The following DLGAP1 variants were observed in gnomAD, a reference collection of about 807,000 sequenced individuals.
The protein encoded by DLGAP1 is disks large-associated protein 1.
DLGAP1 carries 11 observed loss-of-function variants against 90.8 expected under a neutral mutation model. The observed-to-expected ratio is 0.12, with a 90% confidence interval of 0.08 to 0.20. The LOEUF (loss-of-function observed/expected upper bound fraction) is 0.20. Ranked by LOEUF, DLGAP1 falls within the 10% of genes least tolerant of loss-of-function variation. The pLI, the probability that DLGAP1 is intolerant of heterozygous loss-of-function variation, is 1.00. For synonymous variants in DLGAP1, 558 were observed against 540.7 expected (o/e 1.03, Z -0.44); for missense variants, 1,050 against 1,333.8 (o/e 0.79, Z 3.31).
chr18:4,340,435 G>A (rs147932315), intron 1 of DLGAP1, among the ~76,000 whole-genome samples: 20 of 152,166 alleles, frequency 1.3e-4, no homozygotes, highest in East Asian at 5.8e-4. Flanking sequence ...TTCAGACTGC[G>A]GTTTACCATG....
intron 4 of DLGAP1, among the ~76,000 whole-genome samples, chr18:3,856,636 C>A (rs957950510): frequency 1.3e-5 from 2 of 152,090 alleles, no homozygotes; most frequent in African/African-American, 2.4e-5. Context: ...CCGAAGCGGG[C>A]AGATCACGAG....
At chr18:3,797,934 G>A (rs2066084393) in intron 5 of DLGAP1, among the ~76,000 whole-genome samples, 1 of 152,152 alleles carries the variant, frequency 6.6e-6, no homozygotes, top group Admixed American at 6.5e-5. Context: ...TTGTCATTGT[G>A]AATAAGTCTC....
chr18:3,922,942 A>G (rs2072297448), intron 3 of DLGAP1, among the ~76,000 whole-genome samples: 1 of 152,002 alleles, frequency 6.6e-6, no homozygotes, highest in African/African-American at 2.4e-5. Context: ...AGACCAGCCC[A>G]GCCAACATGG....
intron 6 of DLGAP1, among the ~76,000 whole-genome samples, chr18:3,739,799 T>C (rs569510126): frequency 1.3e-5 from 2 of 152,054 alleles, no homozygotes; most frequent in African/African-American, 2.4e-5. Context: ...AAAAAGATAC[T>C]GTGTTACTTG....
chr18:4,041,789 T>C (rs1485611053), intron 2 of DLGAP1, among the ~76,000 whole-genome samples: 3 of 152,218 alleles, frequency 2.0e-5, no homozygotes, highest in Non-Finnish European at 2.9e-5. Flanking sequence ...GACCAATTGC[T>C]CTTCATCTCT....
rs76136144 is a variant in DLGAP1, at chr18:4,249,776, C to T, written c.-266-98489G>A. On this transcript the variant is annotated intron_variant, in intron 1 of 12. Transcript: ENST00000315677. ...CTAATTATTTTGCTTTCTGTAGAGA[C>T]GGGGGTCTCACTATGCTCCCCAGGC... is the stretch of plus-strand genomic sequence containing the variant. 7.5e-3 allele frequency among the ~76,000 whole-genome samples: 1,140 copies of T among 152,148 alleles called. 13 individuals carry two copies. The highest frequency in any genetic ancestry group is 0.026 in the African/African-American group (1,088 of 41,508).
Position 3,534,633 on chromosome 18 carries a change from A to C in DLGAP1, c.2058-18T>G. 1 of 1,521,702 alleles carries C rather than the reference A, an allele frequency of 6.6e-7. No individual in the cohort carries two copies. The highest frequency in any genetic ancestry group is 8.8e-7 in the Non-Finnish European group (1 of 1,137,838). The allele number at this position is 1,521,702 out of a possible 1,614,324, so 94.3% of individuals were successfully genotyped here. ...TGCGGAAGCTTGGGAGAATAGAAAA[A>C]AGAAATTTAGTTAGAGGATATTTCT... On this transcript the variant is annotated intron_variant, in intron 9 of 12. Coordinates refer to ENST00000315677, the MANE Select transcript of DLGAP1 (RefSeq NM_004746.4).
At chr18:3,840,730 T>G (rs2148629400) in intron 4 of DLGAP1, among the ~76,000 whole-genome samples, 1 of 152,372 alleles carries the variant, frequency 6.6e-6, no homozygotes, top group Admixed American at 6.5e-5. Flanking sequence ...GGCATTATTT[T>G]ATGATAGGCA....
At chr18:3,827,247 T>C (rs1348573337) in intron 4 of DLGAP1, among the ~76,000 whole-genome samples, 2 of 152,052 alleles carry the variant, frequency 1.3e-5, no homozygotes, top group East Asian at 1.9e-4. Context: ...GGAGTGAGTG[T>C]TGGTAGAAGA....
rs191830777 is a variant in DLGAP1 at position 4,258,579 on chromosome 18, T to C, written c.-266-107292A>G. On this transcript the variant is annotated intron_variant, in intron 1 of 12. Coordinates refer to ENST00000315677, the MANE Select transcript of DLGAP1 (RefSeq NM_004746.4). ...GAACATTTTCCTACACAAAGAAAAATATAAACACCAAAGTGGGAAAAGTGA... is the reference window on the plus strand; with the variant it reads ...GAACATTTTCCTACACAAAGAAAAACATAAACACCAAAGTGGGAAAAGTGA... Among the ~76,000 whole-genome samples the C allele has an allele frequency of 2.5e-3, 386 of 151,606 alleles. 1 individual carries two copies. The highest frequency in any genetic ancestry group is 9.0e-3 in the African/African-American group (371 of 41,286).
At chr18:3,694,723 A>G (rs2061024337) in intron 7 of DLGAP1, among the ~76,000 whole-genome samples, 1 of 151,980 alleles carries the variant, frequency 6.6e-6, no homozygotes, top group Non-Finnish European at 1.5e-5. Context: ...CCACTTTTTG[A>G]TGGAGTTGTT....
At chr18:4,308,180 A>T (rs1436788246) in intron 1 of DLGAP1, among the ~76,000 whole-genome samples, 1 of 152,128 alleles carries the variant, frequency 6.6e-6, no homozygotes, top group Non-Finnish European at 1.5e-5. Context: ...TTGTCTGATA[A>T]TTGGTGACTG....
intron 7 of DLGAP1, among the ~76,000 whole-genome samples, chr18:3,694,919 T>C (rs342491): frequency 0.032 from 4,839 of 151,382 alleles, 280 homozygotes; most frequent in African/African-American, 0.11. Context: ...TTTGTCCCTA[T>C]TGCTTTTGGT....
In DLGAP1 at chr18:4,199,493, A is replaced by G. The variant is rs1411295774; in HGVS notation, c.-266-48206T>C. 3.3e-5 allele frequency among the ~76,000 whole-genome samples: 5 copies of G among 152,334 alleles called. No individual in the cohort carries two copies. In the East Asian group the frequency reaches 7.7e-4, roughly 23 times the overall value. ...GATGTCAGATTTGGTGAATTAAGAT[A>G]ACTGTGAATAATCCTGGTCATGCCA... On this transcript the variant is annotated intron_variant, in intron 1 of 12. Coordinates refer to ENST00000315677, the MANE Select transcript of DLGAP1 (RefSeq NM_004746.4).
At chr18:3,809,237 G>A (rs968244868) in intron 5 of DLGAP1, among the ~76,000 whole-genome samples, 1 of 152,164 alleles carries the variant, frequency 6.6e-6, no homozygotes, top group African/African-American at 2.4e-5. Context: ...GGGGTGGGAG[G>A]AGTTGTAGGG....
At chr18:3,778,775 C>G (rs761197126) in intron 5 of DLGAP1, among the ~76,000 whole-genome samples, 1 of 152,100 alleles carries the variant, frequency 6.6e-6, no homozygotes, top group Non-Finnish European at 1.5e-5. Context: ...TAAATATTCC[C>G]TGGGAGAGCT....
rs116124433 is a variant in DLGAP1 at position 3,798,389 on chromosome 18, T to G, written c.1172+15670A>C. On this transcript the variant is annotated intron_variant, in intron 5 of 12. Transcript: ENST00000315677. Reference sequence around the variant, plus strand: ...CAGCCAGTGAGCCCTTTGGGGTCAATGAGGGAAGGAAGTACCTTCCTTTTA... The same window carrying G: ...CAGCCAGTGAGCCCTTTGGGGTCAAGGAGGGAAGGAAGTACCTTCCTTTTA... Among the ~76,000 whole-genome samples the G allele has an allele frequency of 2.1e-3, 316 of 152,144 alleles. 1 individual carries two copies. The highest frequency in any genetic ancestry group is 7.3e-3 in the African/African-American group (305 of 41,530).
At chr18:4,304,018 T>C (rs2080190137) in intron 1 of DLGAP1, among the ~76,000 whole-genome samples, 1 of 152,240 alleles carries the variant, frequency 6.6e-6, no homozygotes, top group Admixed American at 6.5e-5. Flanking sequence ...ATTTCCCAAT[T>C]GAGGACATAT....
chr18:4,222,820 C>A (rs1234760079), intron 1 of DLGAP1, among the ~76,000 whole-genome samples: 1 of 150,238 alleles, frequency 6.7e-6, no homozygotes, highest in African/African-American at 2.4e-5. Context: ...TGTGGGTAAA[C>A]TGATACAGGC....
Sources: allele counts gnomAD v4.1 joint callset (sites outside exome capture counted in the v4.1 genomes callset), GRCh38; gene constraint gnomAD v4.1.1; transcripts MANE v1.5; gene names NCBI Gene and HGNC (gene_info 2026-07-23, HGNC 2026-07-21).